The following STK24 variants were observed in gnomAD, a reference collection of about 807,000 sequenced individuals.
STK24 encodes the protein serine/threonine kinase 24.
STK24 carries 21 observed loss-of-function variants against 55.6 expected under a neutral mutation model. The observed-to-expected ratio is 0.38, with a 90% CI of 0.27 to 0.54. STK24 has a LOEUF of 0.54. STK24 is among the 20% of genes least tolerant of loss of function. The pLI, the probability that STK24 is intolerant of heterozygous loss-of-function variation, is 0.79. For missense variants in STK24, 383 were observed against 538.4 expected, an observed-to-expected ratio of 0.71 and a Z score of 2.86; for synonymous variants, 200 against 215.2, an observed-to-expected ratio of 0.93 and a Z score of 0.62.
chr13:98,545,830 T>A (rs1176582447), intron 1 of STK24, among the ~76,000 whole-genome samples: 1 of 152,124 alleles, frequency 6.6e-6, no homozygotes, highest in African/African-American at 2.4e-5. Flanking sequence ...CCAAACACTG[T>A]AATTACTGCA....
chr13:98,483,651 T>TG (rs1894691745), intron 2 of STK24, among the ~76,000 whole-genome samples: 5 of 152,188 alleles, frequency 3.3e-5, no homozygotes, highest in Admixed American at 6.5e-5. Flanking sequence ...TTTACTTTTA[T>TG]TATCTATTGC....
chr13:98,498,658 C>G (rs889855407), intron 2 of STK24, among the ~76,000 whole-genome samples: 1 of 152,172 alleles, frequency 6.6e-6, no homozygotes, highest in African/African-American at 2.4e-5. Flanking sequence ...AACTGAACAC[C>G]TGGCTATCAG....
intron 2 of STK24, among the ~76,000 whole-genome samples, chr13:98,512,980 C>T (rs1179251191): frequency 2.0e-5 from 3 of 152,192 alleles, no homozygotes; most frequent in Admixed American, 6.5e-5. Context: ...GTCCCTGCTG[C>T]GAACCGGCTT....
rs1892969628 is a variant in STK24 at position 98,448,102 on chromosome 13, T to C, written c.*5071A>G. The C allele has an allele frequency of 4.1e-6, 3 of 729,660 alleles. No individual in the cohort carries two copies. The highest frequency in any genetic ancestry group is 7.3e-6 in the Non-Finnish European group (3 of 408,944). The allele number at this position is 729,660 out of a possible 1,614,324, so 45.2% of individuals were successfully genotyped here. A position where few individuals can be genotyped will look rare whatever the true frequency, so the allele number is the denominator to read the frequency against. On this transcript the variant is annotated 3_prime_UTR_variant, in exon 11 of 11. Coordinates refer to ENST00000539966, the MANE Select transcript of STK24 (RefSeq NM_001032296.4). ...AACGCCTGGGTGCTGGCTGTTCCCT[T>C]GCTCTTCTGCTGAAGTGGCAGATTA... is the stretch of plus-strand genomic sequence containing the variant.
At chr13:98,547,707 T>C (rs1897061703) in intron 1 of STK24, among the ~76,000 whole-genome samples, 1 of 152,186 alleles carries the variant, frequency 6.6e-6, no homozygotes, top group South Asian at 2.1e-4. Flanking sequence ...TCAATAGCTG[T>C]GAAATGGTTT....
At chr13:98,539,486 AAAGTG>A (rs777149735) in intron 1 of STK24, among the ~76,000 whole-genome samples, 430 of 17,296 alleles carry the variant, frequency 0.025, no homozygotes, top group Non-Finnish European at 0.063. Flanking sequence ...TCAGCAAAGC[AAAGTG>A]CTTAAGAGAG....
At chr13:98,538,837 T>C (rs1896806386) in intron 1 of STK24, among the ~76,000 whole-genome samples, 1 of 152,200 alleles carries the variant, frequency 6.6e-6, no homozygotes, top group Non-Finnish European at 1.5e-5. Context: ...GTGTCCCTTC[T>C]TTCTTGCTCC....
Position 98,497,623 on chromosome 13 carries a change from C to T in STK24, c.274-15302G>A, listed in dbSNP as rs185528721. ...ACAGAGGTGGCTCAGGAGACCTGGG[C>T]CCTGCTGGCAAAGCTCAGGAGGGCA... On this transcript the variant is annotated intron_variant, in intron 2 of 10. Transcript: ENST00000539966. Among the ~76,000 whole-genome samples the T allele has an allele frequency of 1.4e-3, 218 of 152,320 alleles. 2 individuals are homozygous for T. Among genetic ancestry groups the T allele is most frequent in the South Asian group, 6.6e-3 (32 of 4,826 alleles).
At chr13:98,462,812 C>T (rs1360672458) in intron 7 of STK24, among the ~76,000 whole-genome samples, 1 of 152,206 alleles carries the variant, frequency 6.6e-6, no homozygotes, top group Non-Finnish European at 1.5e-5. Context: ...CACATCACAA[C>T]ACCTGGTGCC....
chr13:98,566,068 C>T (rs1216969019), intron 1 of STK24, among the ~76,000 whole-genome samples: 4 of 152,140 alleles, frequency 2.6e-5, no homozygotes, highest in African/African-American at 4.8e-5. Flanking sequence ...CCAGCCCCTC[C>T]GGCACAGGAC....
At chr13:98,499,083 C>T (rs1320295250) in intron 2 of STK24, among the ~76,000 whole-genome samples, 5 of 152,134 alleles carry the variant, frequency 3.3e-5, no homozygotes, top group Non-Finnish European at 5.9e-5. Context: ...CCTGTCTTTA[C>T]TAAAAATACA....
chr13:98,526,712 G>T (rs1332884806), intron 1 of STK24, among the ~76,000 whole-genome samples: 4 of 152,156 alleles, frequency 2.6e-5, no homozygotes, highest in Non-Finnish European at 5.9e-5. Context: ...AGAAACTTGG[G>T]TTGTGCATTT....
chr13:98,475,030 G>A, intron 4 of STK24, 52 bp from the exon 5 acceptor site: 1 of 1,553,254 alleles, frequency 6.4e-7, no homozygotes, highest in South Asian at 1.2e-5. Flanking sequence ...ACAACTCCGT[G>A]CACTGCCACA....
At chr13:98,508,112 C>T (rs1895758363) in intron 2 of STK24, among the ~76,000 whole-genome samples, 1 of 152,152 alleles carries the variant, frequency 6.6e-6, no homozygotes, top group Admixed American at 6.5e-5. Context: ...CTCCCCACCG[C>T]TTCTTGCTAC....
chr13:98,497,332 G>C (rs1300939869), intron 2 of STK24, among the ~76,000 whole-genome samples: 1 of 152,134 alleles, frequency 6.6e-6, no homozygotes, highest in Non-Finnish European at 1.5e-5. Context: ...TTAGGAATTG[G>C]TTTATGGTCT....
chr13:98,446,793 C>T lies in STK24; in HGVS notation c.*6380G>A, dbSNP rs371359681. 1.4e-5 allele frequency: 22 copies of T among 1,613,988 alleles called. No homozygotes were observed. In the East Asian group the frequency reaches 1.6e-4, roughly 11 times the overall value. ...AAGTCCCACGTCTACTACTTCAGGG[C>T]GGAAAGCGAGTACACGTTCGAAAGG... On this transcript the variant is annotated 3_prime_UTR_variant, in exon 11 of 11. Coordinates refer to ENST00000539966, the MANE Select transcript of STK24 (RefSeq NM_001032296.4).
At chr13:98,514,275 T>G (rs78423696) in intron 2 of STK24, among the ~76,000 whole-genome samples, 1,582 of 152,334 alleles carry the variant, frequency 0.01, 27 homozygotes, top group African/African-American at 0.035. Flanking sequence ...GCTGGCCACT[T>G]CTATCAGTAT....
chr13:98,491,133 G>C (rs1218066526), intron 2 of STK24, among the ~76,000 whole-genome samples: 1 of 152,244 alleles, frequency 6.6e-6, no homozygotes, highest in Non-Finnish European at 1.5e-5. Flanking sequence ...ACGTTCCCGT[G>C]AGCTGGGGGT....
At chr13:98,572,381 T>C (rs1229289210) in intron 1 of STK24, among the ~76,000 whole-genome samples, 1 of 151,800 alleles carries the variant, frequency 6.6e-6, no homozygotes, top group Admixed American at 6.6e-5. Flanking sequence ...TCCCCCAGGG[T>C]GCAGATGGTA....
Sources: allele counts gnomAD v4.1 joint callset (sites outside exome capture counted in the v4.1 genomes callset), GRCh38; gene constraint gnomAD v4.1.1; transcripts MANE v1.5; gene names NCBI Gene and HGNC (gene_info 2026-07-23, HGNC 2026-07-21).